PPP4R4: variants seen among roughly 807,000 people sequenced by gnomAD.
The protein encoded by PPP4R4 is serine/threonine-protein phosphatase 4 regulatory subunit 4.
PPP4R4 carries 70 observed loss-of-function variants against 121.8 expected under a neutral mutation model. That is an observed-to-expected ratio of 0.57 (90% CI 0.47 to 0.70). The LOEUF (loss-of-function observed/expected upper bound fraction) is 0.70. PPP4R4 is among the 30% of genes least tolerant of loss of function. The pLI is 0.00. For missense variants in PPP4R4, 875 were observed against 1,033.6 expected, an observed-to-expected ratio of 0.85 and a Z score of 2.10; for synonymous variants, 348 against 355.7, an observed-to-expected ratio of 0.98 and a Z score of 0.24.
rs570655026 is a variant in PPP4R4, at chr14:94,235,786, A to G, written c.731+1117A>G. 2.9e-4 allele frequency among the ~76,000 whole-genome samples: 44 copies of G among 152,166 alleles called. 1 individual carries two copies. The South Asian group carries it at 7.5e-3, about 26-fold the overall frequency. ...ACCCATAAGAACTGATCTCATTTCA[A>G]TCTTAGAAGTGTGATATTAAAGGGA... On this transcript the variant is annotated intron_variant, in intron 7 of 24. Transcript: ENST00000304338.
chr14:94,248,779 T>C (rs1387426942), intron 14 of PPP4R4, among the ~76,000 whole-genome samples: 4 of 152,180 alleles, frequency 2.6e-5, no homozygotes. Flanking sequence ...TTTGTCCACA[T>C]TGGTTATTTG....
intron 8 of PPP4R4, 116 bp downstream of exon 8, chr14:94,237,802 T>C: frequency 7.8e-7 from 1 of 1,280,630 alleles, no homozygotes; most frequent in Non-Finnish European, 1.1e-6. Flanking sequence ...TCCCTTCCTC[T>C]CCCTCTTTTT....
At chr14:94,213,700 A>C (rs940231549) in intron 3 of PPP4R4, among the ~76,000 whole-genome samples, 4 of 152,212 alleles carry the variant, frequency 2.6e-5, no homozygotes, top group African/African-American at 9.6e-5. Flanking sequence ...CCACAAGCCA[A>C]GGAATGATAG....
intron 1 of PPP4R4, among the ~76,000 whole-genome samples, chr14:94,175,249 C>T (rs1888614520): frequency 6.6e-6 from 1 of 151,970 alleles, no homozygotes; most frequent in South Asian, 2.1e-4. Context: ...CACTCTTTCT[C>T]AGTGTCGTCC....
At chr14:94,265,624 T>C (rs1894007160) in intron 21 of PPP4R4, 151 bp downstream of exon 21, 2 of 850,828 alleles carry the variant, frequency 2.4e-6, no homozygotes, top group South Asian at 1.8e-5. Context: ...GTTTTGGTAG[T>C]TTTTAATTGG....
chr14:94,242,087 G>A (rs762585911), intron 10 of PPP4R4, 130 bp downstream of exon 10: 233 of 1,146,078 alleles, frequency 2.0e-4, no homozygotes, highest in Non-Finnish European at 2.6e-4. Flanking sequence ...CATAGTATGT[G>A]CAGAGTAAAT....
intron 6 of PPP4R4, among the ~76,000 whole-genome samples, 200 bp downstream of exon 6, chr14:94,233,959 T>C (rs999796832): frequency 2.0e-5 from 3 of 152,202 alleles, no homozygotes; most frequent in African/African-American, 7.2e-5. Flanking sequence ...TCAGAATTGG[T>C]AAGGTTAACT....
At chr14:94,224,639 G>A (rs928645798) in intron 3 of PPP4R4, among the ~76,000 whole-genome samples, 1 of 152,080 alleles carries the variant, frequency 6.6e-6, no homozygotes, top group Non-Finnish European at 1.5e-5. Context: ...AGGAGGCCCA[G>A]GTGTTACAGG....
Position 94,242,195 on chromosome 14 carries a change from A to G in PPP4R4, c.1147-94A>G, listed in dbSNP as rs1892669091. 2.8e-6 allele frequency: 4 copies of G among 1,415,626 alleles called. No individual in the cohort carries two copies. In the East Asian group the frequency reaches 6.9e-5, roughly 24 times the overall value. The allele number at this position is 1,415,626 out of a possible 1,614,324, so 87.7% of individuals were successfully genotyped here. On this transcript the variant is annotated intron_variant, in intron 10 of 24. Transcript: ENST00000304338. ...TTAGTTAAATTACAATTCAGAGAAC[A>G]TGATTTCAATTTAAGTGAAACGATT...
rs577238941 is a variant in PPP4R4 at position 94,237,577 on chromosome 14, A to G, written c.744A>G (p.Thr248=). The part of the protein sequence containing the change: ...NIAQGIGTEL[T]KSVVLPELIE... ...GCTTATTGTGCAGGACAGAACTTAC[A>G]AAAAGTGTGGTGCTCCCTGAATTAA... The change falls in exon 8 of 25, where the codon ACA becomes ACG. Residue 248 remains threonine, a synonymous_variant. Transcript: ENST00000304338. The G allele has an allele frequency of 9.3e-6, 15 of 1,612,562 alleles. No individual in the cohort carries two copies. Among genetic ancestry groups the G allele is most frequent in the Admixed American group, 1.7e-5 (1 of 60,026 alleles).
rs762963896 is a variant in PPP4R4 at position 94,265,385 on chromosome 14, A to T, written c.2198-2A>T. The T allele has an allele frequency of 3.7e-6, 6 of 1,600,204 alleles. No individual in the cohort carries two copies. The highest frequency in any genetic ancestry group is 5.1e-6 in the Non-Finnish European group (6 of 1,167,604). Reference sequence around the variant, plus strand: ...TACAACTTAAAGCAGAATTTATTTTAGGTAGAGACACTAAGACACCAACGC... The same window carrying T: ...TACAACTTAAAGCAGAATTTATTTTTGGTAGAGACACTAAGACACCAACGC... On this transcript the variant is annotated splice_acceptor_variant, in intron 20 of 24. Transcript: ENST00000304338. LOFTEE classifies it high-confidence loss of function.
At chr14:94,270,533 A>G (rs1345497811) in intron 23 of PPP4R4, among the ~76,000 whole-genome samples, 2 of 152,220 alleles carry the variant, frequency 1.3e-5, no homozygotes, top group African/African-American at 2.4e-5. Flanking sequence ...GTTGTCATAT[A>G]TAGTCAGTAG....
Position 94,174,569 on chromosome 14 carries a change from G to T in PPP4R4, c.104G>T (p.Arg35Leu). ...QELTIIERPV[R>L]RSLKTPEEIE... The stretch of plus-strand genomic sequence containing the variant: ...CTCACCATCATCGAGAGGCCGGTCC[G>T]CCGGAGCCTCAAGGTGCGCCCCGGG... The change falls in exon 1 of 25, where the codon CGC (arginine) becomes CTC (leucine). Residue 35 changes from arginine to leucine, a missense_variant. Arg to Leu is a moderately radical substitution (Grantham distance 102). Transcript: ENST00000304338. The T allele has an allele frequency of 6.2e-7, 1 of 1,611,602 alleles. No homozygotes were observed. The highest frequency in any genetic ancestry group is 8.5e-7 in the Non-Finnish European group (1 of 1,179,034).
chr14:94,265,843 T>C lies in PPP4R4; in HGVS notation c.2334T>C (p.Asn778=), dbSNP rs748694154. ...SKLIRSQSFN[N]QAFHAKYGNL... ...TGATTCGAAGCCAGTCTTTTAATAA[T>C]CAAGCTTTTCATGCAAAATATGGCA... The change falls in exon 22 of 25, where the codon AAT becomes AAC. Residue 778 remains asparagine, a synonymous_variant. Coordinates refer to ENST00000304338, the MANE Select transcript of PPP4R4 (RefSeq NM_058237.2). 1 of 1,609,732 alleles carries C rather than the reference T, an allele frequency of 6.2e-7. No individual in the cohort carries two copies. The highest frequency in any genetic ancestry group is 2.2e-5 in the East Asian group (1 of 44,752).
intron 12 of PPP4R4, among the ~76,000 whole-genome samples, chr14:94,245,233 T>A (rs1174830771): frequency 6.6e-6 from 1 of 152,206 alleles, no homozygotes; most frequent in African/African-American, 2.4e-5. Flanking sequence ...AAAGCGCAGC[T>A]CATGAATATT....
chr14:94,213,155 A>G (rs1326266567), intron 3 of PPP4R4, among the ~76,000 whole-genome samples: 1 of 152,244 alleles, frequency 6.6e-6, no homozygotes, highest in African/African-American at 2.4e-5. Flanking sequence ...TAACTTGCTC[A>G]ACGTCACAAA....
At chr14:94,239,195 TC>T (rs1892497051) in intron 8 of PPP4R4, among the ~76,000 whole-genome samples, 1 of 142,680 alleles carries the variant, frequency 7.0e-6, no homozygotes, top group African/African-American at 2.9e-5. Context: ...TCCTTCTGCT[TC>T]TTTTTTTTTT....
chr14:94,186,578 T>C (rs1889297485), intron 2 of PPP4R4, among the ~76,000 whole-genome samples: 1 of 152,240 alleles, frequency 6.6e-6, no homozygotes, highest in African/African-American at 2.4e-5. Context: ...TTTATAAATC[T>C]TTATGTAGAC....
At chr14:94,252,449 T>A (rs996026174) in intron 16 of PPP4R4, among the ~76,000 whole-genome samples, 1 of 152,102 alleles carries the variant, frequency 6.6e-6, no homozygotes, top group African/African-American at 2.4e-5. Context: ...TGGAAAAAAA[T>A]AATAAATATA....
Sources: allele counts gnomAD v4.1 joint callset (sites outside exome capture counted in the v4.1 genomes callset), GRCh38; gene constraint gnomAD v4.1.1; transcripts MANE v1.5; gene names NCBI Gene and HGNC (gene_info 2026-07-23, HGNC 2026-07-21).